Variants in MTMR10 observed in about 807,000 individuals in gnomAD.
The protein encoded by MTMR10 is myotubularin-related protein 10.
Under a neutral mutation model 88.1 loss-of-function variants are expected in MTMR10, and 56 were observed. That is an observed-to-expected ratio of 0.64 (90% CI 0.51 to 0.79). The LOEUF (loss-of-function observed/expected upper bound fraction) is 0.79, where lower values mean the gene tolerates loss of function less well. Among genes scored for constraint, MTMR10 ranks in the 30% least tolerant of loss-of-function variants. The pLI is 0.00. For synonymous variants in MTMR10, 380 were observed against 340.9 expected (o/e 1.11, Z -1.26); for missense variants, 883 against 924.7 (o/e 0.95, Z 0.58).
Position 30,976,931 on chromosome 15 carries a change from T to C in MTMR10, c.146A>G (p.Asn49Ser), listed in dbSNP as rs2030195825. ...LPGEIVVNEV[N>S]FVRKCIATDT... ...TGTTGCAATGCATTTTCTCACAAAA[T>C]TGACTTCATTTACGACAATTTCTCC... is the stretch of plus-strand genomic sequence containing the variant. Residue 49 changes from asparagine (N) to serine (S), a missense_variant, in exon 3 of 16, where the codon AAT becomes AGT. By Grantham distance (46) the Asn-to-Ser change is conservative. Coordinates refer to ENST00000435680, the MANE Select transcript of MTMR10 (RefSeq NM_017762.3). The C allele has an allele frequency of 3.7e-6, 6 of 1,612,870 alleles. No homozygotes were observed. The highest frequency in any genetic ancestry group is 1.7e-5 in the Admixed American group (1 of 59,740).
chr15:30,932,473 A>G, the MTMR10 span, among the ~76,000 whole-genome samples: 1 of 152,122 alleles, frequency 6.6e-6, no homozygotes. Context: ...GGGATGGAAT[A>G]GTTGGTGTAG....
intron 1 of MTMR10, chr15:30,991,188 G>T: frequency 2.1e-6 from 1 of 479,038 alleles, no homozygotes; most frequent in Non-Finnish European, 3.6e-6. Context: ...AGGCTCCCCT[G>T]GGCCTCAACA....
At chr15:30,946,565 G>A (rs918245384) in intron 14 of MTMR10, 18 of 592,100 alleles carry the variant, frequency 3.0e-5, no homozygotes, top group East Asian at 1.1e-4. Context: ...CACAAGAGCT[G>A]CCCCTTTCTG....
At position 30,942,110 on chromosome 15, in the gene MTMR10, C is replaced by T. The variant is rs763076573; in HGVS notation, c.1732-38G>A. ...GATTTTATTATGTTCCGGGGATTCC[C>T]TTTTTAGAAAGATTGAAGGATGCAA... On this transcript the variant is annotated intron_variant, in intron 15 of 15. Coordinates refer to ENST00000435680, the MANE Select transcript of MTMR10 (RefSeq NM_017762.3). 2.5e-6 allele frequency: 4 copies of T among 1,568,846 alleles called. No individual in the cohort carries two copies. The Admixed American group carries it at 7.4e-5, about 29-fold the overall frequency.
intron 6 of MTMR10, among the ~76,000 whole-genome samples, chr15:30,966,457 C>A (rs987601601): frequency 3.9e-5 from 6 of 152,166 alleles, no homozygotes; most frequent in Non-Finnish European, 7.4e-5. Context: ...TGAAATGAAT[C>A]ATTTCTATTG....
intron 15 of MTMR10, chr15:30,942,534 A>T (rs2063089544): frequency 3.3e-6 from 1 of 301,424 alleles, no homozygotes. Context: ...AATGAATGTT[A>T]TTAGGACAAG....
At chr15:30,989,587 T>G (rs1367465874) in intron 2 of MTMR10, among the ~76,000 whole-genome samples, 1 of 73,728 alleles carries the variant, frequency 1.4e-5, no homozygotes, top group African/African-American at 4.9e-5. Context: ...TGATTTCAGG[T>G]TTTTTTTTTT....
Position 30,941,669 on chromosome 15 carries a change from C to T in MTMR10, c.2135G>A (p.Gly712Asp). 1.2e-6 allele frequency: 2 copies of T among 1,613,228 alleles called. No homozygotes were observed. Among genetic ancestry groups the T allele is most frequent in the Non-Finnish European group, 1.7e-6 (2 of 1,179,598 alleles). Reference sequence around the variant, plus strand: ...GGCGTTGAAGTACATCCTGCTCTGGCCCAGCTCCCCATAGCAGGCCTCCAG... The same window carrying T: ...GGCGTTGAAGTACATCCTGCTCTGGTCCAGCTCCCCATAGCAGGCCTCCAG... ...GPLEACYGEL[G>D]QSRMYFNASG... Residue 712 changes from glycine (G) to aspartate (D), a missense_variant, in exon 16 of 16, where the codon GGC (glycine) becomes GAC (aspartate). Gly to Asp is a moderately conservative substitution (Grantham distance 94, BLOSUM62 -1). This residue lies in a region of MTMR10 where 343 missense variants were observed against 323.2 expected (regional missense o/e 1.06). Transcript: ENST00000435680.
At position 30,942,989 on chromosome 15, in the gene MTMR10, A is replaced by G. The variant is rs764404422; in HGVS notation, c.1632T>C (p.Phe544=). ...GGAAAAGGGTGCGATCCTTTGCTGT[A>G]AACTGGAGAGACCAGTCCCAAACAG... The part of the protein sequence containing the change: ...FPSVWDWSLQ[F]TAKDRTLFHN... Residue 544 remains phenylalanine, a synonymous_variant, in exon 15 of 16, where the codon TTT becomes TTC. Transcript: ENST00000435680. 3 of 1,553,418 alleles carry G rather than the reference A, an allele frequency of 1.9e-6. No homozygotes were observed. Among genetic ancestry groups the G allele is most frequent in the Non-Finnish European group, 2.6e-6 (3 of 1,147,576 alleles).
the MTMR10 span, chr15:30,927,593 G>A: frequency 1.0e-6 from 1 of 985,550 alleles, no homozygotes; most frequent in Non-Finnish European, 1.2e-6. Context: ...GTACCACGCA[G>A]ATGGGTTGGG....
In MTMR10 at chr15:30,957,136, G is replaced by GT. The variant is rs1306247685; in HGVS notation, c.935+1726dup. 9.9e-5 allele frequency among the ~76,000 whole-genome samples: 15 copies of GT among 152,136 alleles called. No individual in the cohort carries two copies. The East Asian group carries it at 2.7e-3, about 27-fold the overall frequency. ...ACAATTTCTGAGGCTCCATAAGCCT[G>GT]TTTTATAAGATCTGTTCATTTACTC... is the stretch of plus-strand genomic sequence containing the variant. On this transcript the variant is annotated intron_variant, in intron 9 of 15. Coordinates refer to ENST00000435680, the MANE Select transcript of MTMR10 (RefSeq NM_017762.3).
intron 4 of MTMR10, 90 bp downstream of exon 4, chr15:30,974,841 G>A (rs778672231): frequency 5.5e-6 from 5 of 902,388 alleles, no homozygotes; most frequent in African/African-American, 3.5e-5. Context: ...GAAATAAAAC[G>A]CCAATCCAAG....
At chr15:30,924,675 A>C in the MTMR10 span, among the ~76,000 whole-genome samples, 2 of 152,190 alleles carry the variant, frequency 1.3e-5, no homozygotes, top group Non-Finnish European at 2.9e-5. Flanking sequence ...TCTTGACTGC[A>C]TATGAGATTG....
intron 14 of MTMR10, chr15:30,943,850 A>C: frequency 1.0e-6 from 1 of 985,442 alleles, no homozygotes; most frequent in Non-Finnish European, 1.2e-6. Context: ...AGTCACATTT[A>C]GCAATGTGGA....
rs368833135 is a variant in MTMR10 at position 30,989,621 on chromosome 15, C to A, written c.121+1156G>T. The stretch of plus-strand genomic sequence containing the variant: ...TTTTTGAGACGGTGTCTCACTCTGC[C>A]GCCCAGGCTGGACTGCAGTGGCAGG... On this transcript the variant is annotated intron_variant, in intron 2 of 15. Transcript: ENST00000435680. Among the ~76,000 whole-genome samples, 9 of 151,636 alleles carry A rather than the reference C, an allele frequency of 5.9e-5. No individual in the cohort carries two copies. In the East Asian group the frequency reaches 1.7e-3, roughly 29 times the overall value.
rs760791067 is a variant in MTMR10, at chr15:30,953,617, T to C, written c.1081A>G (p.Thr361Ala). ...QLCVNEPFEE[T>A]EEKWLSSLEN... ...AGTGAAGATAACCATTTCTCTTCAG[T>C]TTCTTCAAAAGGCTCTGTAATAAAT... Residue 361 changes from threonine to alanine, a missense_variant, in exon 11 of 16, where the codon ACT becomes GCT. Transcript: ENST00000435680. 5.2e-6 allele frequency: 8 copies of C among 1,543,810 alleles called. No homozygotes were observed. Among genetic ancestry groups the C allele is most frequent in the Non-Finnish European group, 6.1e-6 (7 of 1,139,614 alleles).
At chr15:30,925,217 G>A in the MTMR10 span, 1 of 1,614,110 alleles carries the variant, frequency 6.2e-7, no homozygotes, top group South Asian at 1.1e-5. Context: ...GCGCCTGCGA[G>A]AGTCTCCGAG....
chr15:30,988,377 G>T (rs1200967596), intron 2 of MTMR10, among the ~76,000 whole-genome samples: 2 of 152,212 alleles, frequency 1.3e-5, no homozygotes, highest in East Asian at 3.8e-4. Context: ...CGTCATGTAT[G>T]CATGTACAGA....
At chr15:30,929,771 AT>A in the MTMR10 span, among the ~76,000 whole-genome samples, 1 of 31,864 alleles carries the variant, frequency 3.1e-5, no homozygotes, top group East Asian at 8.1e-3. Flanking sequence ...TATAAAATAT[AT>A]AATATATTAT....
Sources: allele counts gnomAD v4.1 joint callset (sites outside exome capture counted in the v4.1 genomes callset), GRCh38; gene constraint gnomAD v4.1.1; regional missense constraint gnomAD v4.1.1; transcripts MANE v1.5; gene names NCBI Gene and HGNC (gene_info 2026-07-23, HGNC 2026-07-21).